NEK7: variants seen among roughly 807,000 people sequenced by gnomAD.
NEK7 encodes NIMA related kinase 7.
Under a neutral mutation model 44.6 loss-of-function variants are expected in NEK7, and 18 were observed. That is an observed-to-expected ratio of 0.40 (90% CI 0.28 to 0.60). The LOEUF (loss-of-function observed/expected upper bound fraction) is 0.60. Ranked by LOEUF, NEK7 falls within the 20% of genes least tolerant of loss-of-function variation. The probability of loss-of-function intolerance (pLI) is 0.38; values close to 1 mark genes in which losing one functional copy is unlikely to be tolerated. For missense variants in NEK7, 256 were observed against 366.5 expected, an observed-to-expected ratio of 0.70 and a Z score of 2.46; for synonymous variants, 130 against 121.1, an observed-to-expected ratio of 1.07 and a Z score of -0.48.
intron 1 of NEK7, among the ~76,000 whole-genome samples, chr1:198,228,767 G>A (rs1481852950): frequency 6.6e-6 from 1 of 152,072 alleles, no homozygotes; most frequent in East Asian, 1.9e-4. Flanking sequence ...GGAGATTTTG[G>A]GCTGAGACAA....
intron 5 of NEK7, among the ~76,000 whole-genome samples, chr1:198,272,433 T>C (rs915352854): frequency 4.4e-4 from 67 of 151,858 alleles, no homozygotes; most frequent in Non-Finnish European, 8.0e-4. Context: ...TTCTCTCCTT[T>C]AGATTTCAAT....
At chr1:198,263,374 T>C (rs1358275381) in intron 4 of NEK7, among the ~76,000 whole-genome samples, 2 of 151,936 alleles carry the variant, frequency 1.3e-5, no homozygotes, top group Non-Finnish European at 2.9e-5. Context: ...CTGGCTTAAA[T>C]ATATGTAAAC....
intron 1 of NEK7, among the ~76,000 whole-genome samples, chr1:198,232,085 TGAC>T (rs1666413858): frequency 6.6e-6 from 1 of 152,174 alleles, no homozygotes; most frequent in Non-Finnish European, 1.5e-5. Flanking sequence ...GACACTCATA[TGAC>T]GACTGGCCTT....
chr1:198,270,248 G>A (rs544594165), intron 5 of NEK7, among the ~76,000 whole-genome samples: 92 of 152,042 alleles, frequency 6.1e-4, no homozygotes, highest in African/African-American at 2.2e-3. Context: ...GTAAGTGCCT[G>A]TATTTATAAC....
intron 9 of NEK7, among the ~76,000 whole-genome samples, chr1:198,300,460 T>C (rs142847369): frequency 3.3e-4 from 50 of 152,362 alleles, no homozygotes; most frequent in African/African-American, 1.2e-3. Context: ...TTTCCTGTTC[T>C]TTCCAAAGAA....
intron 3 of NEK7, among the ~76,000 whole-genome samples, chr1:198,257,773 G>T (rs943157964): frequency 1.3e-5 from 2 of 151,982 alleles, no homozygotes; most frequent in African/African-American, 4.8e-5. Flanking sequence ...TTAATTACTT[G>T]TACTTGCAAT....
At chr1:198,175,454 TATG>T (rs1664578411) in intron 1 of NEK7, among the ~76,000 whole-genome samples, 1 of 152,234 alleles carries the variant, frequency 6.6e-6, no homozygotes, top group African/African-American at 2.4e-5. Flanking sequence ...TCAACTTCGT[TATG>T]ATAAAATTCA....
At chr1:198,176,700 CAG>C (rs994364845) in intron 1 of NEK7, among the ~76,000 whole-genome samples, 1 of 151,838 alleles carries the variant, frequency 6.6e-6, no homozygotes, top group African/African-American at 2.4e-5. Context: ...CTGGGATAAA[CAG>C]AGTGATGATG....
intron 7 of NEK7, among the ~76,000 whole-genome samples, chr1:198,286,445 A>G (rs989949075): frequency 6.8e-6 from 1 of 147,440 alleles, no homozygotes; most frequent in African/African-American, 2.5e-5. Flanking sequence ...TTTGAACCAT[A>G]TGCATTTTTC....
chr1:198,227,830 C>G (rs547052228), intron 1 of NEK7, among the ~76,000 whole-genome samples: 3 of 152,260 alleles, frequency 2.0e-5, no homozygotes, highest in Non-Finnish European at 2.9e-5. Context: ...CCTGTTCACT[C>G]TGATGGTAGT....
At chr1:198,191,800 A>G (rs954867709) in intron 1 of NEK7, among the ~76,000 whole-genome samples, 15 of 152,182 alleles carry the variant, frequency 9.9e-5, no homozygotes, top group East Asian at 5.8e-4. Context: ...CAAGGTGGTA[A>G]TCCTTTGTTT....
intron 1 of NEK7, among the ~76,000 whole-genome samples, chr1:198,173,743 TATTA>T (rs1664521159): frequency 6.6e-6 from 1 of 152,146 alleles, no homozygotes; most frequent in South Asian, 2.1e-4. Context: ...CTATAGTCAG[TATTA>T]ATTAGATTTT....
At chr1:198,173,677 AG>A (rs1298142372) in intron 1 of NEK7, among the ~76,000 whole-genome samples, 9 of 44,820 alleles carry the variant, frequency 2.0e-4, no homozygotes, top group African/African-American at 3.2e-4. Flanking sequence ...TCACAGATTC[AG>A]GTTTCTGAAA....
chr1:198,190,787 T>C (rs1406074301), intron 1 of NEK7, among the ~76,000 whole-genome samples: 1 of 152,042 alleles, frequency 6.6e-6, no homozygotes, highest in East Asian at 1.9e-4. Flanking sequence ...AAGAGAAGGA[T>C]GATAATTTTT....
chr1:198,232,739 CAAAA>C, intron 2 of NEK7, 102 bp downstream of exon 2: 1 of 598,894 alleles, frequency 1.7e-6, no homozygotes, highest in Non-Finnish European at 2.9e-6. Context: ...TAAAGTAGCA[CAAAA>C]GTGCTAATTT....
rs544996211 is a variant in NEK7, at chr1:198,313,268, CT to C, written c.799-6137del. On this transcript the variant is annotated intron_variant, in intron 9 of 9. Transcript: ENST00000367385. ...CAGAGACTAGGATTGCCACCCCTCCCTTTTTTTGTTTTCGATTTGCTTGGTA... is the reference window on the plus strand; with the variant it reads ...CAGAGACTAGGATTGCCACCCCTCCCTTTTTTGTTTTCGATTTGCTTGGTA... 5.0e-4 allele frequency among the ~76,000 whole-genome samples: 76 copies of C among 152,120 alleles called. 1 individual carries two copies. The highest frequency in any genetic ancestry group is 1.7e-3 in the African/African-American group (72 of 41,510).
At chr1:198,229,747 A>T (rs1666332117) in intron 1 of NEK7, among the ~76,000 whole-genome samples, 2 of 152,222 alleles carry the variant, frequency 1.3e-5, no homozygotes, top group Admixed American at 6.5e-5. Context: ...ATTCAATATG[A>T]GAAATTTATT....
chr1:198,210,240 C>T (rs771289810), intron 1 of NEK7, among the ~76,000 whole-genome samples: 23 of 152,118 alleles, frequency 1.5e-4, no homozygotes, highest in Admixed American at 6.5e-5. Context: ...ATTATAGGCA[C>T]ATGCCACCAT....
At chr1:198,317,373 C>T (rs1655400511) in intron 9 of NEK7, among the ~76,000 whole-genome samples, 2 of 152,238 alleles carry the variant, frequency 1.3e-5, no homozygotes, top group South Asian at 2.1e-4. Flanking sequence ...CTCACTGGCA[C>T]TCCCACTACC....
Sources: allele counts gnomAD v4.1 joint callset (sites outside exome capture counted in the v4.1 genomes callset), GRCh38; gene constraint gnomAD v4.1.1; transcripts MANE v1.5; gene names NCBI Gene and HGNC (gene_info 2026-07-23, HGNC 2026-07-21).